The following MYCBP2 variants were observed in gnomAD, a reference collection of about 807,000 sequenced individuals.
MYCBP2 encodes the protein E3 ubiquitin-protein ligase MYCBP2.
A neutral mutation model predicts 525.3 loss-of-function variants in MYCBP2; 120 were observed. That is an observed-to-expected ratio of 0.23 (90% confidence interval 0.20 to 0.27). The LOEUF is 0.27. MYCBP2 is among the 10% of genes least tolerant of loss of function. The pLI, the probability that MYCBP2 is intolerant of heterozygous loss-of-function variation, is 1.00. For missense variants in MYCBP2, 4,149 were observed against 5,657.1 expected, an observed-to-expected ratio of 0.73 and a Z score of 8.55; for synonymous variants, 1,894 against 1,955.8, an observed-to-expected ratio of 0.97 and a Z score of 0.83.
intron 37 of MYCBP2, among the ~76,000 whole-genome samples, chr13:77,172,367 T>C (rs944064217): frequency 2.0e-5 from 3 of 152,058 alleles, no homozygotes; most frequent in South Asian, 2.1e-4. Flanking sequence ...AAGAGTCAAA[T>C]TGTGTAAGGT....
intron 52 of MYCBP2, among the ~76,000 whole-genome samples, chr13:77,130,800 T>C (rs1483153318): frequency 6.6e-6 from 1 of 152,178 alleles, no homozygotes; most frequent in Non-Finnish European, 1.5e-5. Context: ...TAGCGTATTC[T>C]ATTTTTTAGC....
chr13:77,087,332 C>A, intron 62 of MYCBP2, 152 bp downstream of exon 62: 1 of 668,738 alleles, frequency 1.5e-6, no homozygotes, highest in Non-Finnish European at 2.5e-6. Context: ...AAATCCAGGT[C>A]TCATTATTAA....
In MYCBP2 at chr13:77,150,831, T is replaced by C; in HGVS notation, c.7034A>G (p.Asp2345Gly). The change falls in exon 47 of 83, where the codon GAC (aspartate) becomes GGC (glycine). Residue 2345 changes from aspartate (D) to glycine (G), a missense_variant. Around this residue, in one of 21 missense-constraint regions of MYCBP2, gnomAD observed 692 missense variants for 852.7 expected, o/e 0.81. Coordinates refer to ENST00000544440, the MANE Select transcript of MYCBP2 (RefSeq NM_015057.5). ...TGATGCCAGCCCTCCATAAGTCATG[T>C]CAGTATTAGAAGATGCAGCTGTTAC... The part of the protein sequence containing the change: ...PAVTAASSNT[D>G]MTYGGLASPK... 6.2e-7 allele frequency: 1 copy of C among 1,614,172 alleles called. No individual in the cohort carries two copies. Among genetic ancestry groups the C allele is most frequent in the Non-Finnish European group, 8.5e-7 (1 of 1,179,998 alleles).
At chr13:77,151,478 G>T (rs1470314561) in intron 46 of MYCBP2, among the ~76,000 whole-genome samples, 1 of 152,078 alleles carries the variant, frequency 6.6e-6, no homozygotes, top group Admixed American at 6.5e-5. Context: ...GGTGAAGAAA[G>T]AATATTATTA....
intron 1 of MYCBP2, among the ~76,000 whole-genome samples, chr13:77,315,800 CAGG>C (rs2080858754): frequency 6.7e-6 from 1 of 149,708 alleles, no homozygotes; most frequent in Non-Finnish European, 1.5e-5. Context: ...GAAGCTGAGG[CAGG>C]AGACTTGCTG....
intron 27 of MYCBP2, among the ~76,000 whole-genome samples, chr13:77,193,604 T>C (rs2061492304): frequency 6.6e-6 from 1 of 152,146 alleles, no homozygotes; most frequent in South Asian, 2.1e-4. Flanking sequence ...AGAGGACTGA[T>C]AAAGTGTAAG....
intron 50 of MYCBP2, among the ~76,000 whole-genome samples, chr13:77,140,387 A>G (rs1400843911): frequency 6.6e-6 from 1 of 152,226 alleles, no homozygotes; most frequent in African/African-American, 2.4e-5. Context: ...TTAGACAATT[A>G]TATATATTTT....
At chr13:77,176,404 T>TA (rs2059708755) in intron 36 of MYCBP2, 93 bp downstream of exon 36, 1 of 1,129,180 alleles carries the variant, frequency 8.9e-7, no homozygotes, top group Non-Finnish European at 1.2e-6. Context: ...CAAATAGCTA[T>TA]AGGTAACAAA....
chr13:77,151,022 T>A (rs2154193755), intron 46 of MYCBP2, 73 bp from the exon 47 acceptor site: 1 of 1,170,346 alleles, frequency 8.5e-7, no homozygotes, highest in Non-Finnish European at 1.3e-6. Flanking sequence ...AGCAACTTAC[T>A]ATTATAAACT....
At position 77,098,900 on chromosome 13, in the gene MYCBP2, T is replaced by C. The variant is rs942759192; in HGVS notation, c.8254A>G (p.Thr2752Ala). Residue 2752 changes from threonine to alanine, a missense_variant, in exon 56 of 83, where the codon ACT becomes GCT. By Grantham distance (58) the Thr-to-Ala change is moderately conservative (BLOSUM62 0). Transcript: ENST00000544440. ...CCCCTTGGCTTCTTCTGATCAGCAG[T>C]AGTCCGGCTCATACGTCCATCAGGT... ...LKPDGRMSRT[T>A]ADQKKPRGTE... is the part of the protein sequence containing the mutation. 1.9e-6 allele frequency: 3 copies of C among 1,613,740 alleles called. No individual in the cohort carries two copies. The highest frequency in any genetic ancestry group is 1.3e-5 in the African/African-American group (1 of 74,998).
Position 77,120,743 on chromosome 13 carries a change from C to T in MYCBP2, c.8140+630G>A, listed in dbSNP as rs528014452. The stretch of plus-strand genomic sequence containing the variant: ...GTTTCAAAATTAACTATTGTTTGGA[C>T]AGTCCATGATGCTGGTCTCTTCCAT... On this transcript the variant is annotated intron_variant, in intron 55 of 82. Transcript: ENST00000544440. Among the ~76,000 whole-genome samples the T allele has an allele frequency of 1.1e-3, 172 of 152,260 alleles. 1 individual carries two copies. Among genetic ancestry groups the T allele is most frequent in the African/African-American group, 3.9e-3 (163 of 41,568 alleles).
chr13:77,258,869 T>G (rs1457185477), intron 13 of MYCBP2, among the ~76,000 whole-genome samples: 1 of 152,192 alleles, frequency 6.6e-6, no homozygotes, highest in Non-Finnish European at 1.5e-5. Context: ...ATCTATTTTT[T>G]GCAGGTAGAA....
intron 18 of MYCBP2, among the ~76,000 whole-genome samples, chr13:77,232,824 C>A (rs1219585053): frequency 2.0e-5 from 3 of 152,054 alleles, no homozygotes; most frequent in Non-Finnish European, 4.4e-5. Context: ...AGATCACAGT[C>A]ATTAAAGAGC....
chr13:77,140,972 T>A, intron 49 of MYCBP2, 29 bp from the exon 50 acceptor site: 2 of 1,501,152 alleles, frequency 1.3e-6, no homozygotes, highest in Non-Finnish European at 1.8e-6. Context: ...AACTGTAACA[T>A]TTGAGAAAAA....
In MYCBP2 at chr13:77,081,938, C is replaced by A; in HGVS notation, c.11092G>T (p.Val3698Phe). The A allele has an allele frequency of 6.2e-7, 1 of 1,613,572 alleles. No homozygotes were observed. The highest frequency in any genetic ancestry group is 8.5e-7 in the Non-Finnish European group (1 of 1,179,718). Residue 3698 changes from valine to phenylalanine, a missense_variant, in exon 64 of 83, where the codon GTC becomes TTC. Coordinates refer to ENST00000544440, the MANE Select transcript of MYCBP2 (RefSeq NM_015057.5). The surrounding 1 kb of genome is among the most constrained non-coding windows in gnomAD (Gnocchi z 4.6). ...SDHQFLHQSN[V>F]FHHINNILSK... ...AAAATATTGTTAATGTGATGAAAGA[C>A]GTTGCTCTGATGAAGGAACTGGTGA...
At chr13:77,055,812 C>A in intron 79 of MYCBP2, 45 bp from the exon 80 acceptor site, 1 of 1,410,538 alleles carries the variant, frequency 7.1e-7, no homozygotes, top group Non-Finnish European at 9.9e-7. Context: ...ATTTATTAAC[C>A]AACTCAACAA....
chr13:77,213,934 A>T (rs1028578480), intron 21 of MYCBP2, among the ~76,000 whole-genome samples: 1 of 152,266 alleles, frequency 6.6e-6, no homozygotes, highest in African/African-American at 2.4e-5. Context: ...CGGCTACTGC[A>T]AACCTGAGCA....
chr13:77,064,694 G>C lies in MYCBP2; in HGVS notation c.12593C>G (p.Ala4198Gly), dbSNP rs1323164884. ...SEAWSRVTKN[A>G]IAETIIALTK... Reference sequence around the variant, plus strand: ...CAAGGCAATGATGGTTTCTGCAATAGCATTTTTTGTCACTCGGGACCAAGC... The same window carrying C: ...CAAGGCAATGATGGTTTCTGCAATACCATTTTTTGTCACTCGGGACCAAGC... The change falls in exon 73 of 83, where the codon GCT becomes GGT. Residue 4198 changes from alanine to glycine, a missense_variant. Coordinates refer to ENST00000544440, the MANE Select transcript of MYCBP2 (RefSeq NM_015057.5). 3 of 1,613,654 alleles carry C rather than the reference G, an allele frequency of 1.9e-6. No homozygotes were observed. Among genetic ancestry groups the C allele is most frequent in the Non-Finnish European group, 2.5e-6 (3 of 1,179,816 alleles).
At chr13:77,205,170 A>T in intron 26 of MYCBP2, 86 bp downstream of exon 26, 2 of 1,233,538 alleles carry the variant, frequency 1.6e-6, no homozygotes, top group Non-Finnish European at 2.1e-6. Context: ...AAAGGAAAAA[A>T]ATTAGACATT....
Sources: gnomAD v4.1 joint callset for allele counts (sites outside exome capture counted in the v4.1 genomes callset) on GRCh38, gnomAD v4.1.1 for gene constraint, gnomAD v4.1.1 regional missense constraint, Gnocchi (gnomAD v3.1) non-coding constraint, MANE v1.5 for transcripts, NCBI Gene and HGNC (gene_info 2026-07-23, HGNC 2026-07-21) for gene names.